Variants in TICRR observed in about 807,000 individuals in gnomAD.
The protein encoded by TICRR is treslin.
In TICRR, 132 loss-of-function variants were observed where a neutral mutation model predicts 178.1. That is an observed-to-expected ratio of 0.74 (90% CI 0.64 to 0.86). The LOEUF (loss-of-function observed/expected upper bound fraction) is 0.86, where lower values mean the gene tolerates loss of function less well. Among genes scored for constraint, TICRR ranks in the 40% least tolerant of loss-of-function variants. The pLI, the probability that TICRR is intolerant of heterozygous loss-of-function variation, is 0.00. For synonymous variants in TICRR, 991 were observed against 900.7 expected (o/e 1.10, Z -1.79); for missense variants, 2,587 against 2,334.3 (o/e 1.11, Z -2.23).
rs1176001339 is a variant in TICRR at position 89,626,966 on chromosome 15, G to A, written c.5613G>A (p.Val1871=). 2 of 1,614,024 alleles carry A rather than the reference G, an allele frequency of 1.2e-6. No individual in the cohort carries two copies. The highest frequency in any genetic ancestry group is 1.1e-5 in the South Asian group (1 of 91,056). Residue 1871 remains valine, a synonymous_variant, in exon 22 of 22, where the codon GTG becomes GTA. Transcript: ENST00000268138. The part of the protein sequence containing the change: ...SQSKDPRDED[V]DVLPSTVEDS... ...TCTACCTTCTTCTAGATGAGGATGT[G>A]GATGTTCTTCCCTCCACTGTAGAAG...
chr15:89,612,534 G>C (rs1963270829), intron 15 of TICRR, among the ~76,000 whole-genome samples: 1 of 152,208 alleles, frequency 6.6e-6, no homozygotes, highest in Non-Finnish European at 1.5e-5. Context: ...GCAGGGATGA[G>C]AAAAGGGAAA....
chr15:89,588,759 T>G (rs1596041929), intron 4 of TICRR, among the ~76,000 whole-genome samples: 1 of 152,090 alleles, frequency 6.6e-6, no homozygotes, highest in South Asian at 2.1e-4. Flanking sequence ...TATCCAGAGT[T>G]AAGACTGAGT....
chr15:89,594,496 C>T lies in TICRR; in HGVS notation c.1623C>T (p.Tyr541=). Residue 541 remains tyrosine, a synonymous_variant, in exon 6 of 22, where the codon TAC becomes TAT. Coordinates refer to ENST00000268138, the MANE Select transcript of TICRR (RefSeq NM_152259.4). ...TAATACATTGCCTTGCCGAGCTCTA[C>T]CAGAGAAAATCTCGTGAAGAATCCA... ...GELIHCLAEL[Y]QRKSREESTI... is the part of the protein sequence containing the mutation. The T allele has an allele frequency of 4.3e-6, 7 of 1,613,098 alleles. No homozygotes were observed. The highest frequency in any genetic ancestry group is 2.7e-5 in the African/African-American group (2 of 74,974).
chr15:89,624,042 C>T lies in TICRR; in HGVS notation c.3732C>T (p.Ile1244=). Residue 1244 remains isoleucine (I), a synonymous_variant, in exon 20 of 22, where the codon ATC becomes ATT. Transcript: ENST00000268138. ...AQPRRECLTP[I]RDPLRTPPRA... is the part of the protein sequence containing the mutation. ...CCAGGAGAGAGTGTCTCACTCCCAT[C>T]AGAGACCCTCTCAGAACACCTCCGA... 6.2e-7 allele frequency: 1 copy of T among 1,614,076 alleles called. No individual in the cohort carries two copies. The highest frequency in any genetic ancestry group is 2.2e-5 in the East Asian group (1 of 44,874).
rs1476660317 is a variant in TICRR at position 89,594,439 on chromosome 15, TAAGG to T, written c.1570_1573del (p.Glu524SerfsTer9). Reference sequence around the variant, plus strand: ...GGTTACTACAGGCTGCCTCAGCTAATAAGGAAGAGTCTTCCAAAACTGAAGGCGA... The same window carrying T: ...GGTTACTACAGGCTGCCTCAGCTAATAAGAGTCTTCCAAAACTGAAGGCGA... On this transcript the variant is annotated frameshift_variant, in exon 6 of 22. Transcript: ENST00000268138. LOFTEE classifies it high-confidence loss of function. 6.2e-7 allele frequency: 1 copy of T among 1,612,586 alleles called. No homozygotes were observed. Among genetic ancestry groups the T allele is most frequent in the South Asian group, 1.1e-5 (1 of 90,802 alleles).
rs1962610857 is a variant in TICRR at position 89,576,169 on chromosome 15, A to G, written c.583A>G (p.Lys195Glu). 2 of 1,603,728 alleles carry G rather than the reference A, an allele frequency of 1.2e-6. No individual in the cohort carries two copies. The highest frequency in any genetic ancestry group is 2.2e-5 in the East Asian group (1 of 44,864). Residue 195 changes from lysine (K) to glutamate (E), a missense_variant, in exon 1 of 22, where the codon AAG becomes GAG. Transcript: ENST00000268138. ...GCAGGTGATGGAGAAGTTGTTGCCCAAGAGAGTCCGGGAAGTCATGGTCGC... is the reference window on the plus strand; with the variant it reads ...GCAGGTGATGGAGAAGTTGTTGCCCGAGAGAGTCCGGGAAGTCATGGTCGC... ...PKQVMEKLLP[K>E]RVREVMVARK...
intron 15 of TICRR, among the ~76,000 whole-genome samples, chr15:89,610,942 T>C (rs1963246458): frequency 6.6e-6 from 1 of 152,184 alleles, no homozygotes; most frequent in Non-Finnish European, 1.5e-5. Context: ...CTCTTTTCAA[T>C]AATATACACT....
At position 89,595,592 on chromosome 15, in the gene TICRR, AAG is replaced by A; in HGVS notation, c.1883_1884del (p.Arg628LysfsTer3). On this transcript the variant is annotated frameshift_variant, in exon 7 of 22. Coordinates refer to ENST00000268138, the MANE Select transcript of TICRR (RefSeq NM_152259.4). LOFTEE classifies it high-confidence loss of function. ...AATTGGAAGACAGAGGAAGAACACT[AAG>A]AAGTTCTAAACCTAAAGGTATTCCT... ...DKLEDRGRTL[R>X]SSKPKDFKTE... 2 of 1,613,842 alleles carry A rather than the reference AAG, an allele frequency of 1.2e-6. No individual in the cohort carries two copies. The highest frequency in any genetic ancestry group is 1.7e-6 in the Non-Finnish European group (2 of 1,179,770).
chr15:89,619,575 C>T (rs1963390423), intron 17 of TICRR, 133 bp from the exon 18 acceptor site: 1 of 934,410 alleles, frequency 1.1e-6, no homozygotes, highest in Non-Finnish European at 1.6e-6. Flanking sequence ...TCAGAAGTCT[C>T]TTAAAGCTAA....
chr15:89,601,773 TTA>T lies in TICRR; in HGVS notation c.2365_2366del (p.Tyr789GlnfsTer22). 2 of 1,614,170 alleles carry T rather than the reference TTA, an allele frequency of 1.2e-6. No homozygotes were observed. The highest frequency in any genetic ancestry group is 1.7e-6 in the Non-Finnish European group (2 of 1,180,024). On this transcript the variant is annotated frameshift_variant, in exon 12 of 22. Transcript: ENST00000268138. LOFTEE classifies it high-confidence loss of function. ...DSIPKTLGNL[Y>X]NSLGFVIPQK... ...CTATCCCAAAGACACTTGGAAATCT[TTA>T]CAACAGCCTAGGGTTTGTGATTCCT...
At chr15:89,586,961 A>G (rs774923185) in intron 4 of TICRR, among the ~76,000 whole-genome samples, 2 of 152,172 alleles carry the variant, frequency 1.3e-5, no homozygotes, top group Non-Finnish European at 2.9e-5. Context: ...TAACAGCATT[A>G]CTCTGGCTTC....
At chr15:89,611,980 C>T (rs765742489) in intron 15 of TICRR, among the ~76,000 whole-genome samples, 42 of 152,206 alleles carry the variant, frequency 2.8e-4, no homozygotes, top group Admixed American at 9.8e-4. Flanking sequence ...TCCTTAGTGA[C>T]GGTTTTTGCC....
intron 1 of TICRR, among the ~76,000 whole-genome samples, chr15:89,581,561 A>C (rs1407944762): frequency 1.3e-5 from 2 of 152,214 alleles, no homozygotes; most frequent in Non-Finnish European, 2.9e-5. Context: ...AGGCCCAGGA[A>C]ATAGAAATCA....
chr15:89,581,644 G>A (rs192958039), intron 1 of TICRR, among the ~76,000 whole-genome samples: 2 of 152,306 alleles, frequency 1.3e-5, no homozygotes, highest in East Asian at 3.9e-4. Flanking sequence ...TAGAAGGAGT[G>A]GGGGTGGATG....
At chr15:89,588,726 G>C (rs948974859) in intron 4 of TICRR, among the ~76,000 whole-genome samples, 6 of 152,134 alleles carry the variant, frequency 3.9e-5, no homozygotes, top group Non-Finnish European at 8.8e-5. Context: ...AGTGTTGGTA[G>C]CATCAAATGT....
chr15:89,589,366 G>A (rs79079520), intron 4 of TICRR, among the ~76,000 whole-genome samples: 2,160 of 152,290 alleles, frequency 0.014, 61 homozygotes, highest in African/African-American at 0.05. Flanking sequence ...CCATGTCGGC[G>A]TGGAGACTAG....
At chr15:89,576,803 GTGTGTGTA>G (rs139152466) in intron 1 of TICRR, among the ~76,000 whole-genome samples, 459 of 19,562 alleles carry the variant, frequency 0.023, 19 homozygotes, top group Non-Finnish European at 0.053. Context: ...ACCCAGGGGT[GTGTGTGTA>G]TGTGTGTGTG....
rs763832044 is a variant in TICRR at position 89,621,548 on chromosome 15, C to G, written c.3310C>G (p.Gln1104Glu). 6.2e-7 allele frequency: 1 copy of G among 1,609,828 alleles called. No individual in the cohort carries two copies. The change falls in exon 19 of 22, where the codon CAG becomes GAG. Residue 1104 changes from glutamine to glutamate, a missense_variant and splice_region_variant. Gln to Glu is a conservative substitution (Grantham distance 29, BLOSUM62 2). Transcript: ENST00000268138. ...TLDSEVPAAY[Q>E]TPKKSHQKSL... is the part of the protein sequence containing the mutation. Reference sequence around the variant, plus strand: ...GGATTCGGAGGTACCTGCAGCTTACCAGGTATAATGTTTCTGTAATGTTTG... The same window carrying G: ...GGATTCGGAGGTACCTGCAGCTTACGAGGTATAATGTTTCTGTAATGTTTG...
chr15:89,598,324 A>T (rs1230359848), intron 7 of TICRR, among the ~76,000 whole-genome samples: 1 of 151,462 alleles, frequency 6.6e-6, no homozygotes, highest in Non-Finnish European at 1.5e-5. Flanking sequence ...ATCATGTCAT[A>T]TCACCAAAGA....
Sources: gnomAD v4.1 joint callset for allele counts (sites outside exome capture counted in the v4.1 genomes callset) on GRCh38, gnomAD v4.1.1 for gene constraint, MANE v1.5 for transcripts, NCBI Gene and HGNC (gene_info 2026-07-23, HGNC 2026-07-21) for gene names.